The following NTM variants were observed in gnomAD, a reference collection of about 807,000 sequenced individuals.
The protein encoded by NTM is neurotrimin.
NTM carries 13 observed loss-of-function variants against 42.1 expected under a neutral mutation model. The observed-to-expected ratio is 0.31, with a 90% CI of 0.20 to 0.49. The LOEUF (loss-of-function observed/expected upper bound fraction) is 0.49. Among genes scored for constraint, NTM ranks in the 20% least tolerant of loss-of-function variants. The pLI is 0.99. For missense variants in NTM, 373 were observed against 452.8 expected (o/e 0.82, Z 1.60); for synonymous variants, 187 against 179.2 (o/e 1.04, Z -0.35).
chr11:132,248,515 G>T (rs1040790611), intron 4 of NTM, among the ~76,000 whole-genome samples: 3 of 152,154 alleles, frequency 2.0e-5, no homozygotes, highest in Non-Finnish European at 4.4e-5. Context: ...GAGAGGGAGG[G>T]TAGGGCCAGT....
chr11:132,280,793 GTCT>G (rs1402655607), intron 4 of NTM, among the ~76,000 whole-genome samples: 2 of 151,502 alleles, frequency 1.3e-5, no homozygotes, highest in Non-Finnish European at 2.9e-5. Flanking sequence ...GCCTCTGATA[GTCT>G]TCTTATTGTG....
At chr11:131,876,582 G>T (rs1465557457) in intron 1 of NTM, among the ~76,000 whole-genome samples, 1 of 152,194 alleles carries the variant, frequency 6.6e-6, no homozygotes, top group East Asian at 1.9e-4. Flanking sequence ...CCAAAAGCAG[G>T]TCAAATTCTG....
intron 3 of NTM, among the ~76,000 whole-genome samples, chr11:132,211,570 A>C (rs2082841221): frequency 1.3e-5 from 2 of 152,238 alleles, no homozygotes; most frequent in Non-Finnish European, 2.9e-5. Context: ...TTGATTCTGC[A>C]TGGCCTCATG....
chr11:131,673,188 T>C (rs1455139680), intron 1 of NTM, among the ~76,000 whole-genome samples: 1 of 152,026 alleles, frequency 6.6e-6, no homozygotes, highest in Non-Finnish European at 1.5e-5. Flanking sequence ...CAACAATGGA[T>C]CAAGAAGGTG....
At chr11:132,226,465 G>T (rs751990849) in intron 4 of NTM, among the ~76,000 whole-genome samples, 1 of 152,198 alleles carries the variant, frequency 6.6e-6, no homozygotes, top group Admixed American at 6.5e-5. Flanking sequence ...GACCAGTGAT[G>T]ATGAGGTTTT....
chr11:131,789,612 A>AGAT (rs1565552696), intron 1 of NTM, among the ~76,000 whole-genome samples: 2 of 86,258 alleles, frequency 2.3e-5, no homozygotes, highest in Non-Finnish European at 2.3e-5. Flanking sequence ...AAGAAGAAGA[A>AGAT]GAAGAAGAAG....
intron 1 of NTM, among the ~76,000 whole-genome samples, chr11:131,897,886 A>G (rs902368021): frequency 6.6e-6 from 1 of 152,196 alleles, no homozygotes; most frequent in African/African-American, 2.4e-5. Context: ...TGTCGTGTCA[A>G]TTTCCATGTA....
chr11:131,822,067 A>G (rs1034094415), intron 1 of NTM, among the ~76,000 whole-genome samples: 1 of 152,220 alleles, frequency 6.6e-6, no homozygotes, highest in African/African-American at 2.4e-5. Flanking sequence ...TAGGGGTACA[A>G]GAAAGGACAG....
At chr11:131,668,223 T>C (rs1442931185) in intron 1 of NTM, among the ~76,000 whole-genome samples, 1 of 151,420 alleles carries the variant, frequency 6.6e-6, no homozygotes, top group African/African-American at 2.4e-5. Context: ...CTTTGTGTCA[T>C]GCATATATGT....
chr11:131,720,613 C>T (rs753162801), intron 1 of NTM, among the ~76,000 whole-genome samples: 13 of 152,162 alleles, frequency 8.5e-5, no homozygotes, highest in Admixed American at 1.3e-4. Context: ...CAACTTTGCC[C>T]AGCACCTAGA....
At chr11:132,064,243 A>T (rs993383650) in intron 2 of NTM, among the ~76,000 whole-genome samples, 1 of 152,212 alleles carries the variant, frequency 6.6e-6, no homozygotes, top group Non-Finnish European at 1.5e-5. Flanking sequence ...AGGATCACAT[A>T]TTGCAAATAA....
At chr11:131,835,927 A>G (rs950892338) in intron 1 of NTM, among the ~76,000 whole-genome samples, 18 of 152,162 alleles carry the variant, frequency 1.2e-4, no homozygotes, top group Non-Finnish European at 2.1e-4. Flanking sequence ...TCACAAATAC[A>G]ATGTTGAGCA....
intron 1 of NTM, among the ~76,000 whole-genome samples, chr11:131,539,900 A>G (rs186002243): frequency 2.0e-5 from 3 of 152,236 alleles, no homozygotes; most frequent in East Asian, 3.9e-4. Context: ...GGAAAAACTC[A>G]TCTCTGTTTG....
At chr11:131,692,402 C>T (rs545618139) in intron 1 of NTM, among the ~76,000 whole-genome samples, 5 of 152,016 alleles carry the variant, frequency 3.3e-5, no homozygotes, top group African/African-American at 4.8e-5. Flanking sequence ...GCCTATCTCC[C>T]ATGCAGATCT....
At chr11:131,375,631 G>T (rs748446093) in intron 1 of NTM, among the ~76,000 whole-genome samples, 25 of 152,130 alleles carry the variant, frequency 1.6e-4, no homozygotes, top group Non-Finnish European at 2.8e-4. Flanking sequence ...GGACTGCAGC[G>T]TGAATGGTGG....
At position 131,498,652 on chromosome 11, in the gene NTM, G is replaced by T. The variant is rs752214471; in HGVS notation, c.82+127764G>T. Among the ~76,000 whole-genome samples, 7 of 152,078 alleles carry T rather than the reference G, an allele frequency of 4.6e-5. No homozygotes were observed. The South Asian group carries it at 6.2e-4, about 14-fold the overall frequency. ...ATTCCCCCAGCCTGCCTTCCATCTT[G>T]GCATTTGCATATACATGAGCAGCTC... On this transcript the variant is annotated intron_variant, in intron 1 of 8. Coordinates refer to ENST00000683400, the MANE Select transcript of NTM (RefSeq NM_001352005.2).
chr11:132,013,248 A>C (rs969615452), intron 2 of NTM, among the ~76,000 whole-genome samples: 1 of 152,144 alleles, frequency 6.6e-6, no homozygotes, highest in African/African-American at 2.4e-5. Context: ...AAGTCAGAGA[A>C]CCACTTGAAG....
At chr11:131,481,460 G>A (rs1261198712) in intron 1 of NTM, among the ~76,000 whole-genome samples, 3 of 152,234 alleles carry the variant, frequency 2.0e-5, no homozygotes, top group African/African-American at 4.8e-5. Flanking sequence ...GGTACTGGAT[G>A]GTGGAGAAGA....
At chr11:132,233,154 C>A (rs11222979) in intron 4 of NTM, among the ~76,000 whole-genome samples, 16,750 of 152,176 alleles carry the variant, frequency 0.11, 1,534 homozygotes, top group African/African-American at 0.25. Context: ...CGGGGACTCA[C>A]GCCTGTAATC....
Sources: allele counts gnomAD v4.1 joint callset (sites outside exome capture counted in the v4.1 genomes callset), GRCh38; gene constraint gnomAD v4.1.1; transcripts MANE v1.5; gene names NCBI Gene and HGNC (gene_info 2026-07-23, HGNC 2026-07-21).